Variants in ZFAT observed in about 807,000 individuals in gnomAD.
ZFAT encodes zinc finger and AT-hook domain containing.
ZFAT carries 64 observed loss-of-function variants against 117.7 expected under a neutral mutation model. That is an observed-to-expected ratio of 0.54 (90% CI 0.44 to 0.67). ZFAT has a LOEUF of 0.67. Among genes scored for constraint, ZFAT ranks in the 30% least tolerant of loss-of-function variants. The pLI, the probability that ZFAT is intolerant of heterozygous loss-of-function variation, is 0.00. For synonymous variants in ZFAT, 679 were observed against 615.0 expected, an observed-to-expected ratio of 1.10 and a Z score of -1.54; for missense variants, 1,433 against 1,584.5, an observed-to-expected ratio of 0.90 and a Z score of 1.62.
intron 10 of ZFAT, among the ~76,000 whole-genome samples, chr8:134,581,487 C>G (rs1218773905): frequency 2.6e-5 from 4 of 152,188 alleles, no homozygotes; most frequent in Non-Finnish European, 5.9e-5. Flanking sequence ...TGCGACGTGA[C>G]AAAACTGAGA....
chr8:134,672,654 A>G (rs940615934), intron 1 of ZFAT, among the ~76,000 whole-genome samples: 2 of 152,274 alleles, frequency 1.3e-5, no homozygotes, highest in Middle Eastern at 3.2e-3. Flanking sequence ...AAAAGTCTGT[A>G]GAGGAAAATT....
At position 134,544,378 on chromosome 8, in the gene ZFAT, C is replaced by T. The variant is rs145484020; in HGVS notation, c.2977-11406G>A. 1.4e-4 allele frequency among the ~76,000 whole-genome samples: 21 copies of T among 152,122 alleles called. 1 individual carries two copies. Among genetic ancestry groups the T allele is most frequent in the African/African-American group, 3.9e-4 (16 of 41,474 alleles). On this transcript the variant is annotated intron_variant, in intron 11 of 15. Coordinates refer to ENST00000377838, the MANE Select transcript of ZFAT (RefSeq NM_020863.4). ...CTTGCCTCTTTCTGTTAATGATTCA[C>T]GTGTAGTTAGTCCAGCAAACCCTCC... is the stretch of plus-strand genomic sequence containing the variant.
chr8:134,638,821 G>C (rs868133880), intron 2 of ZFAT, among the ~76,000 whole-genome samples: 1 of 152,034 alleles, frequency 6.6e-6, no homozygotes, highest in Admixed American at 6.5e-5. Flanking sequence ...TCAACGATGA[G>C]ACTTAGGAGA....
In ZFAT at chr8:134,601,458, C is replaced by T. The variant is rs184627352; in HGVS notation, c.2242+19G>A. ...GATGGTTGTGGACAGGGCCACGCAC[C>T]GGCGCTGCCTTTCCTTACCACAGTA... On this transcript the variant is annotated intron_variant, in intron 6 of 15. Coordinates refer to ENST00000377838, the MANE Select transcript of ZFAT (RefSeq NM_020863.4). The T allele has an allele frequency of 2.0e-4, 321 of 1,585,220 alleles. No homozygotes were observed. Among genetic ancestry groups the T allele is most frequent in the Non-Finnish European group, 2.5e-4 (292 of 1,162,452 alleles).
intron 2 of ZFAT, among the ~76,000 whole-genome samples, chr8:134,645,195 A>G (rs980832082): frequency 3.9e-5 from 6 of 152,268 alleles, no homozygotes; most frequent in African/African-American, 1.2e-4. Flanking sequence ...TTATAACGAG[A>G]GACCAAAATA....
chr8:134,593,886 C>A (rs746556131), intron 7 of ZFAT, among the ~76,000 whole-genome samples: 3 of 152,194 alleles, frequency 2.0e-5, no homozygotes, highest in Admixed American at 6.5e-5. Context: ...GACTCTCAGG[C>A]GCTCGAATGC....
intron 11 of ZFAT, among the ~76,000 whole-genome samples, chr8:134,550,802 T>C (rs1207728607): frequency 1.3e-5 from 2 of 151,720 alleles, no homozygotes; most frequent in East Asian, 3.8e-4. Context: ...AAATGGCCCC[T>C]GTTACCACCA....
At chr8:134,607,328 G>C (rs1294465380) in intron 5 of ZFAT, among the ~76,000 whole-genome samples, 1 of 152,134 alleles carries the variant, frequency 6.6e-6, no homozygotes, top group Non-Finnish European at 1.5e-5. Flanking sequence ...CAAGAATAGA[G>C]GATTGAAGCT....
At chr8:134,696,525 T>A (rs1304882650) in intron 1 of ZFAT, 1 of 985,676 alleles carries the variant, frequency 1.0e-6, no homozygotes, top group Non-Finnish European at 1.2e-6. Context: ...CGCCTCTCCA[T>A]CTACACCCTT....
intron 5 of ZFAT, among the ~76,000 whole-genome samples, chr8:134,607,268 G>T (rs911872425): frequency 6.6e-6 from 1 of 152,140 alleles, no homozygotes; most frequent in African/African-American, 2.4e-5. Context: ...ATTCACCAAA[G>T]GAATGAGTAT....
At chr8:134,756,208 C>T in the ZFAT span, among the ~76,000 whole-genome samples, 1 of 152,242 alleles carries the variant, frequency 6.6e-6, no homozygotes, top group Admixed American at 6.5e-5. Flanking sequence ...TCAACATCCC[C>T]CCTGCACATT....
the ZFAT span, among the ~76,000 whole-genome samples, chr8:134,769,783 C>T: frequency 1.3e-5 from 2 of 152,228 alleles, no homozygotes; most frequent in East Asian, 3.8e-4. Flanking sequence ...GGCATCCAGG[C>T]ATTTCCATAC....
At chr8:134,807,723 A>C in the ZFAT span, among the ~76,000 whole-genome samples, 1 of 152,022 alleles carries the variant, frequency 6.6e-6, no homozygotes, top group East Asian at 1.9e-4. Flanking sequence ...TGGAAAAAAA[A>C]AAAAACAAAA....
chr8:134,519,969 A>G (rs1283109326), intron 13 of ZFAT, among the ~76,000 whole-genome samples: 2 of 152,210 alleles, frequency 1.3e-5, no homozygotes, highest in Non-Finnish European at 2.9e-5. Context: ...TTACCTTTCC[A>G]AGAGACCACT....
chr8:134,676,759 G>A (rs989274716), intron 1 of ZFAT, among the ~76,000 whole-genome samples: 5 of 152,202 alleles, frequency 3.3e-5, no homozygotes, highest in Admixed American at 6.5e-5. Flanking sequence ...TCAGACCACA[G>A]TGCAATCAAA....
chr8:134,522,167 C>T (rs995710627), intron 12 of ZFAT, among the ~76,000 whole-genome samples: 4 of 152,244 alleles, frequency 2.6e-5, no homozygotes, highest in Non-Finnish European at 4.4e-5. Context: ...TGCTCTTGAG[C>T]CCCAGGTAAG....
chr8:134,635,775 G>T (rs961926631), intron 3 of ZFAT, among the ~76,000 whole-genome samples: 1 of 152,016 alleles, frequency 6.6e-6, no homozygotes, highest in Admixed American at 6.6e-5. Flanking sequence ...GTTCAGGGGA[G>T]GTCTATCCTA....
At chr8:134,509,858 G>T in intron 14 of ZFAT, 109 bp from the exon 15 acceptor site, 1 of 1,369,964 alleles carries the variant, frequency 7.3e-7, no homozygotes, top group Non-Finnish European at 9.9e-7. Context: ...TCCAGAGGAT[G>T]CATGGGCTCT....
At chr8:134,652,883 T>C (rs1831329676) in intron 2 of ZFAT, among the ~76,000 whole-genome samples, 1 of 152,158 alleles carries the variant, frequency 6.6e-6, no homozygotes, top group Non-Finnish European at 1.5e-5. Flanking sequence ...AACTTTTCAA[T>C]AAGCATACCC....
Sources: allele counts gnomAD v4.1 joint callset (sites outside exome capture counted in the v4.1 genomes callset), GRCh38; gene constraint gnomAD v4.1.1; transcripts MANE v1.5; gene names NCBI Gene and HGNC (gene_info 2026-07-23, HGNC 2026-07-21).